Variants in ZFP36L1 observed in about 807,000 individuals in gnomAD.
The protein encoded by ZFP36L1 is ZFP36 like 1 zinc finger CCCH-type.
Under a neutral mutation model 16.7 loss-of-function variants are expected in ZFP36L1, and 4 were observed. That is an observed-to-expected ratio of 0.24 (90% CI 0.12 to 0.55). The LOEUF (loss-of-function observed/expected upper bound fraction) is 0.55. Ranked by LOEUF, ZFP36L1 falls within the 20% of genes least tolerant of loss-of-function variation. The pLI is 0.94. For missense variants in ZFP36L1, 311 were observed against 449.2 expected, an observed-to-expected ratio of 0.69 and a Z score of 2.78; for synonymous variants, 220 against 190.8, an observed-to-expected ratio of 1.15 and a Z score of -1.26.
upstream of ZFP36L1, chr14:68,794,063 C>CT (rs1895185157): frequency 1.9e-6 from 1 of 513,000 alleles, no homozygotes; most frequent in Admixed American, 6.4e-5. Flanking sequence ...CTGAATGCCC[C>CT]TTCCTCCCAG....
At chr14:68,795,377 T>TG (rs1283244494), upstream of ZFP36L1, among the ~76,000 whole-genome samples, 4 of 134,986 alleles carry the variant, frequency 3.0e-5, no homozygotes, top group Non-Finnish European at 4.7e-5. Flanking sequence ...GAAGCTCAGC[T>TG]GGGGGGACCG....
chr14:68,795,543 T>C (rs1201870495), upstream of ZFP36L1, among the ~76,000 whole-genome samples: 1 of 152,166 alleles, frequency 6.6e-6, no homozygotes, highest in Non-Finnish European at 1.5e-5. Flanking sequence ...AGGAGCACCA[T>C]CAGGCGCCCC....
At chr14:68,795,387 G>A (rs936244675), upstream of ZFP36L1, among the ~76,000 whole-genome samples, 12 of 149,686 alleles carry the variant, frequency 8.0e-5, no homozygotes, top group African/African-American at 3.0e-4. Context: ...TGGGGGGACC[G>A]GAGGAGGGGC....
intron 1 of ZFP36L1, among the ~76,000 whole-genome samples, chr14:68,792,184 T>TCC (rs374976069): frequency 1.5e-3 from 223 of 146,020 alleles, no homozygotes; most frequent in East Asian, 9.1e-3. Flanking sequence ...TGTCGCCACC[T>TCC]CCCCCCCCAA....
Position 68,788,633 on chromosome 14 carries a change from TA to T in ZFP36L1, c.*899del, listed in dbSNP as rs1024854947. Reference sequence around the variant, plus strand: ...TTTTCTCTCATTTTTTTTTTGTTGTTATTTTTTTTAAAAAGATGTCACATAT... The same window carrying T: ...TTTTCTCTCATTTTTTTTTTGTTGTTTTTTTTTTAAAAAGATGTCACATAT... On this transcript the variant is annotated 3_prime_UTR_variant, in exon 2 of 2. Transcript: ENST00000439696. 17 of 152,648 alleles carry T rather than the reference TA, an allele frequency of 1.1e-4. No individual in the cohort carries two copies. The East Asian group carries it at 2.4e-3, about 22-fold the overall frequency. 9.5% of individuals were successfully genotyped at this position (152,648 alleles called of 1,614,324 possible).
chr14:68,793,017 T>C lies in ZFP36L1; in HGVS notation c.-79A>G, dbSNP rs533054542. 1.1e-5 allele frequency: 18 copies of C among 1,606,532 alleles called. No individual in the cohort carries two copies. In the Admixed American group the frequency reaches 2.3e-4, roughly 21 times the overall value. On this transcript the variant is annotated 5_prime_UTR_variant, in exon 1 of 2. Transcript: ENST00000439696. ...GGTGCGGGGAAGGCGCAGCCTCTCC[T>C]GTCTGGAGTCCCACACGCCAGTTCC...
intron 1 of ZFP36L1, 114 bp downstream of exon 1, chr14:68,792,768 T>C (rs535130075): frequency 2.8e-6 from 4 of 1,426,602 alleles, no homozygotes; most frequent in Middle Eastern, 2.1e-4. Context: ...GAGAAAAGAA[T>C]CATCTCGCTG....
At position 68,790,632 on chromosome 14, in the gene ZFP36L1, CCTCT is replaced by C. The variant is rs1012450144; in HGVS notation, c.58-144_58-141del. 3.4e-6 allele frequency: 4 copies of C among 1,188,800 alleles called. No individual in the cohort carries two copies. The African/African-American group carries it at 6.1e-5, about 18-fold the overall frequency. 73.6% of individuals were successfully genotyped at this position (1,188,800 alleles called of 1,614,324 possible). On this transcript the variant is annotated intron_variant, in intron 1 of 1. Coordinates refer to ENST00000439696, the MANE Select transcript of ZFP36L1 (RefSeq NM_004926.4). ...ACCTCGGCTCTAGCAAGCTCCCTTC[CCTCT>C]CTCCCTCCCATAGGCCATTCACCTG...
chr14:68,792,246 T>C (rs566738580), intron 1 of ZFP36L1, among the ~76,000 whole-genome samples: 1 of 117,430 alleles, frequency 8.5e-6, no homozygotes, highest in Non-Finnish European at 1.7e-5. Context: ...GGTAAGCGGG[T>C]CAACCTGAAT....
rs558329520 is a variant in ZFP36L1 at position 68,787,666 on chromosome 14, T to C, written c.*1867A>G. 1.3e-5 allele frequency: 2 copies of C among 152,398 alleles called. No homozygotes were observed. Among genetic ancestry groups the C allele is most frequent in the South Asian group, 4.1e-4 (2 of 4,824 alleles). 9.4% of individuals were successfully genotyped at this position (152,398 alleles called of 1,614,324 possible). On this transcript the variant is annotated 3_prime_UTR_variant, in exon 2 of 2. Coordinates refer to ENST00000439696, the MANE Select transcript of ZFP36L1 (RefSeq NM_004926.4). ...AAACCAGCTCCACCATCAATGTTTC[T>C]TGAAAAAACGGGGTTTATTGATTTT...
rs1286354691 is a variant in ZFP36L1 at position 68,789,760 on chromosome 14, G to A, written c.790C>T (p.Pro264Ser). ...SSQELASLFA[P>S]SMGLPGGGSP... ...CCACCCCCGGGCAGCCCCATGCTAG[G>A]GGCAAAGAGGCTTGCCAGCTCCTGG... is the stretch of plus-strand genomic sequence containing the variant. The change falls in exon 2 of 2, where the codon CCT becomes TCT. Residue 264 changes from proline (P) to serine (S), a missense_variant. Coordinates refer to ENST00000439696, the MANE Select transcript of ZFP36L1 (RefSeq NM_004926.4). The surrounding 1 kb of genome is among the most constrained non-coding windows in gnomAD (Gnocchi z 4.5). 1 of 1,613,974 alleles carries A rather than the reference G, an allele frequency of 6.2e-7. No individual in the cohort carries two copies. Among genetic ancestry groups the A allele is most frequent in the Non-Finnish European group, 8.5e-7 (1 of 1,180,032 alleles).
chr14:68,795,879 GGTGAGGGCCCGAGGGCGGGA>G, upstream of ZFP36L1: 1 of 664,844 alleles, frequency 1.5e-6, no homozygotes, highest in African/African-American at 1.8e-5. Flanking sequence ...TCCCCGCCGC[GGTGAGGGCCCGAGGGCGGGA>G]GCCGACCCGC....
At chr14:68,793,181 C>T, upstream of ZFP36L1, 1 of 1,136,640 alleles carries the variant, frequency 8.8e-7, no homozygotes, top group Non-Finnish European at 1.1e-6. Flanking sequence ...TTGATTGACA[C>T]TGGAGTTGAA....
At position 68,793,009 on chromosome 14, in the gene ZFP36L1, G is replaced by C; in HGVS notation, c.-71C>G. 6.2e-7 allele frequency: 1 copy of C among 1,608,432 alleles called. No individual in the cohort carries two copies. The highest frequency in any genetic ancestry group is 1.3e-5 in the African/African-American group (1 of 75,000). On this transcript the variant is annotated 5_prime_UTR_variant, in exon 1 of 2. Transcript: ENST00000439696. ...AAGGTCCCGGTGCGGGGAAGGCGCA[G>C]CCTCTCCTGTCTGGAGTCCCACACG...
intron 1 of ZFP36L1, among the ~76,000 whole-genome samples, chr14:68,792,542 T>G (rs558458149): frequency 6.6e-6 from 1 of 152,222 alleles, no homozygotes; most frequent in Non-Finnish European, 1.5e-5. Context: ...CCAGCAAACC[T>G]GGGATCCAGC....
upstream of ZFP36L1, chr14:68,793,844 G>A: frequency 1.0e-6 from 1 of 984,934 alleles, no homozygotes; most frequent in Non-Finnish European, 1.2e-6. Flanking sequence ...TGGTCTGGCG[G>A]GGGCGAGCGC....
rs1443522013 is a variant in ZFP36L1, at chr14:68,789,770, G to C, written c.780C>G (p.Ser260Arg). 1 of 1,613,796 alleles carries C rather than the reference G, an allele frequency of 6.2e-7. No homozygotes were observed. The highest frequency in any genetic ancestry group is 2.2e-5 in the East Asian group (1 of 44,868). The change falls in exon 2 of 2, where the codon AGC becomes AGG. Residue 260 changes from serine to arginine, a missense_variant. Ser to Arg is a moderately radical substitution (Grantham distance 110). This residue lies in a region of ZFP36L1 where 147 missense variants were observed against 192.0 expected (regional missense o/e 0.77). Coordinates refer to ENST00000439696, the MANE Select transcript of ZFP36L1 (RefSeq NM_004926.4). The surrounding 1 kb of genome is among the most constrained non-coding windows in gnomAD (Gnocchi z 4.5). ...PFAFSSQELA[S>R]LFAPSMGLPG... Reference sequence around the variant, plus strand: ...GCAGCCCCATGCTAGGGGCAAAGAGGCTTGCCAGCTCCTGGCTGGAGAAGG... The same window carrying C: ...GCAGCCCCATGCTAGGGGCAAAGAGCCTTGCCAGCTCCTGGCTGGAGAAGG...
Position 68,789,838 on chromosome 14 carries a change from G to C in ZFP36L1, c.712C>G (p.Leu238Val), listed in dbSNP as rs766076255. Residue 238 changes from leucine to valine, a missense_variant, in exon 2 of 2, where the codon CTG (leucine) becomes GTG (valine). By Grantham distance (32) the Leu-to-Val change is conservative. Transcript: ENST00000439696. This position sits in a 1 kb window ranked among gnomAD's most constrained non-coding sequence, Gnocchi z 4.5. ...CCATCGGGCAGGGTAGGTGAGCCCA[G>C]GAGGTCATCGGCGCTCAGAATAGGG... ...PPPILSADDL[L>V]GSPTLPDGTN... 6.2e-7 allele frequency: 1 copy of C among 1,611,604 alleles called. No individual in the cohort carries two copies. The highest frequency in any genetic ancestry group is 1.3e-5 in the African/African-American group (1 of 75,050).
rs1216396443 is a variant in ZFP36L1, at chr14:68,792,956, G to C, written c.-18C>G. On this transcript the variant is annotated 5_prime_UTR_variant, in exon 1 of 2. Coordinates refer to ENST00000439696, the MANE Select transcript of ZFP36L1 (RefSeq NM_004926.4). ...GTGGTCATCCTGTGCGTTCGCGCGA[G>C]CCAGGGGCGAGGATCTGGTGTGTCG... The C allele has an allele frequency of 6.2e-7, 1 of 1,613,680 alleles. No individual in the cohort carries two copies. Among genetic ancestry groups the C allele is most frequent in the Admixed American group, 1.7e-5 (1 of 60,016 alleles).
Sources: gnomAD v4.1 joint callset for allele counts (sites outside exome capture counted in the v4.1 genomes callset) on GRCh38, gnomAD v4.1.1 for gene constraint, gnomAD v4.1.1 regional missense constraint, Gnocchi (gnomAD v3.1) non-coding constraint, MANE v1.5 for transcripts, NCBI Gene and HGNC (gene_info 2026-07-23, HGNC 2026-07-21) for gene names.